The following SHROOM2 variants were observed in gnomAD, a reference collection of about 807,000 sequenced individuals.
SHROOM2 encodes shroom family member 2, also known as protein Shroom2.
Under a neutral mutation model 75.9 loss-of-function variants are expected in SHROOM2, and 33 were observed. The observed-to-expected ratio is 0.43, with a 90% CI of 0.33 to 0.58. The LOEUF (loss-of-function observed/expected upper bound fraction) is 0.58. Among genes scored for constraint, SHROOM2 ranks in the 20% least tolerant of loss-of-function variants. The pLI is 0.04. For synonymous variants in SHROOM2, 655 were observed against 663.6 expected, an observed-to-expected ratio of 0.99 and a Z score of 0.20; for missense variants, 1,434 against 1,461.2, an observed-to-expected ratio of 0.98 and a Z score of 0.30.
intron 6 of SHROOM2, among the ~76,000 whole-genome samples, chrX:9,934,636 A>C (rs2147056657): frequency 9.0e-6 from 1 of 111,341 alleles, no homozygotes; most frequent in Admixed American, 9.6e-5. Context: ...CCTTATTTTG[A>C]AGTCAAGGCT....
chrX:9,848,601 G>C (rs1433086698), intron 1 of SHROOM2, among the ~76,000 whole-genome samples: 3 of 109,241 alleles, frequency 2.7e-5, no homozygotes, highest in African/African-American at 6.6e-5. Flanking sequence ...CTTTATACGG[G>C]GATGTGAGGA....
intron 5 of SHROOM2, among the ~76,000 whole-genome samples, chrX:9,898,993 C>T (rs1242390427): frequency 9.0e-6 from 1 of 110,514 alleles, no homozygotes; most frequent in Non-Finnish European, 1.9e-5. Flanking sequence ...CCTGTATTCC[C>T]AGCACTTTGG....
intron 6 of SHROOM2, 55 bp from the exon 7 acceptor site, chrX:9,937,079 C>T (rs2084716577): frequency 9.1e-7 from 1 of 1,102,907 alleles, no homozygotes; most frequent in South Asian, 2.1e-5. Context: ...ACACGTCAAT[C>T]AGGGTCTGTG....
At chrX:9,937,028 T>C in intron 6 of SHROOM2, 106 bp from the exon 7 acceptor site, 4 of 833,278 alleles carry the variant, frequency 4.8e-6, no homozygotes, top group Non-Finnish European at 6.7e-6. Context: ...GGCTGGCTAG[T>C]GCCTTTGAGT....
chrX:9,834,695 A>G (rs1258268138), intron 1 of SHROOM2, among the ~76,000 whole-genome samples: 1 of 111,159 alleles, frequency 9.0e-6, no homozygotes, highest in Non-Finnish European at 1.9e-5. Context: ...AAAAAAGAAA[A>G]GAAATAAAAA....
chrX:9,914,501 T>C (rs1181763732), intron 5 of SHROOM2, among the ~76,000 whole-genome samples: 1 of 111,085 alleles, frequency 9.0e-6, no homozygotes, highest in Non-Finnish European at 1.9e-5. Flanking sequence ...TATCCACCCA[T>C]CTTTCCCCTG....
chrX:9,842,016 G>A (rs925673957), intron 1 of SHROOM2, among the ~76,000 whole-genome samples: 5 of 111,878 alleles, frequency 4.5e-5, no homozygotes, highest in Non-Finnish European at 7.5e-5. Flanking sequence ...CTATGATGGC[G>A]CCACCACACT....
intron 1 of SHROOM2, among the ~76,000 whole-genome samples, chrX:9,839,358 C>T (rs2083967568): frequency 9.0e-6 from 1 of 111,504 alleles, no homozygotes; most frequent in African/African-American, 3.3e-5. Context: ...TCACCCACAT[C>T]TCCCTGGGTC....
rs1171313582 is a variant in SHROOM2, at chrX:9,906,920, G to A, written c.2891+8630G>A. Among the ~76,000 whole-genome samples the A allele has an allele frequency of 5.3e-5, 6 of 112,460 alleles. No homozygotes were observed. In the Admixed American group the frequency reaches 5.6e-4, roughly 11 times the overall value. On this transcript the variant is annotated intron_variant, in intron 5 of 9. Transcript: ENST00000380913. ...CAGAGGAACATAGTGTCCCTGCTGCGACCACTCAGCTCTGCCGTGATAGCG... is the reference window on the plus strand; with the variant it reads ...CAGAGGAACATAGTGTCCCTGCTGCAACCACTCAGCTCTGCCGTGATAGCG...
At chrX:9,931,883 A>G (rs893145765) in intron 5 of SHROOM2, among the ~76,000 whole-genome samples, 1 of 110,325 alleles carries the variant, frequency 9.1e-6, no homozygotes, top group Non-Finnish European at 1.9e-5. Context: ...TTCCTGCAAA[A>G]ACAAATGCAA....
Position 9,944,604 on chromosome X carries a change from G to A in SHROOM2, c.4312-37G>A, listed in dbSNP as rs1262386998. 8 of 1,177,325 alleles carry A rather than the reference G, an allele frequency of 6.8e-6. No homozygotes were observed. The East Asian group carries it at 9.2e-5, about 13-fold the overall frequency. On this transcript the variant is annotated intron_variant, in intron 8 of 9. Coordinates refer to ENST00000380913, the MANE Select transcript of SHROOM2 (RefSeq NM_001649.4). ...GCCGGGGTGGGGGCCGGCCTAACCA[G>A]TGTCTCCGTGTTCCCTTGCCATCCC...
In SHROOM2 at chrX:9,894,761, A is replaced by C. The variant is rs2084314843; in HGVS notation, c.853A>C (p.Asn285His). The C allele has an allele frequency of 1.7e-6, 2 of 1,211,217 alleles. No individual in the cohort carries two copies. Among genetic ancestry groups the C allele is most frequent in the Non-Finnish European group, 2.2e-6 (2 of 895,274 alleles). Residue 285 changes from asparagine (N) to histidine (H), a missense_variant, in exon 4 of 10, where the codon AAT becomes CAT. This residue lies in a region of SHROOM2 where 1,340 missense variants were observed against 1,338.3 expected (regional missense o/e 1.00). Coordinates refer to ENST00000380913, the MANE Select transcript of SHROOM2 (RefSeq NM_001649.4). ...CGGCAAAGGCCCCAGGCCAGAGTAC[A>C]ATGCCGAGCCCAAGCTGGCTGCCCC... ...DSGKGPRPEY[N>H]AEPKLAAPGR...
At chrX:9,892,273 AAAG>A (rs1371327612) in intron 3 of SHROOM2, among the ~76,000 whole-genome samples, 3 of 108,610 alleles carry the variant, frequency 2.8e-5, no homozygotes, top group Non-Finnish European at 1.9e-5. Context: ...AAAAAAAAGA[AAAG>A]AAAAAAAAAT....
At chrX:9,862,660 AATG>A (rs2084111042) in intron 1 of SHROOM2, among the ~76,000 whole-genome samples, 1 of 111,963 alleles carries the variant, frequency 8.9e-6, no homozygotes, top group Non-Finnish European at 1.9e-5. Context: ...AGCACGCTGG[AATG>A]ATGAAGGCAA....
chrX:9,860,706 G>C lies in SHROOM2; in HGVS notation c.166-12946G>C, dbSNP rs549111584. On this transcript the variant is annotated intron_variant, in intron 1 of 9. Coordinates refer to ENST00000380913, the MANE Select transcript of SHROOM2 (RefSeq NM_001649.4). ...CCCAAAGTGCTGGGATTACAGACAT[G>C]AGCCACCGTGTCTGGCCACTCATAT... 1.1e-4 allele frequency among the ~76,000 whole-genome samples: 12 copies of C among 112,122 alleles called. No individual in the cohort carries two copies. The East Asian group carries it at 3.1e-3, about 29-fold the overall frequency.
chrX:9,920,913 C>T (rs2084538871), intron 5 of SHROOM2, among the ~76,000 whole-genome samples: 1 of 112,402 alleles, frequency 8.9e-6, no homozygotes, highest in African/African-American at 3.2e-5. Context: ...AAATCGTCCA[C>T]CAATTTGGTG....
At chrX:9,922,259 A>G (rs1182638671) in intron 5 of SHROOM2, among the ~76,000 whole-genome samples, 1 of 110,546 alleles carries the variant, frequency 9.0e-6, no homozygotes, top group Non-Finnish European at 1.9e-5. Flanking sequence ...AGATCTTGCT[A>G]TGTTGCCCAG....
chrX:9,915,839 T>C (rs757477717), intron 5 of SHROOM2, among the ~76,000 whole-genome samples: 15 of 112,283 alleles, frequency 1.3e-4, no homozygotes, highest in Non-Finnish European at 2.6e-4. Context: ...AGGCAGGCAA[T>C]GATCTGAGAT....
chrX:9,923,333 T>A (rs2084565196), intron 5 of SHROOM2, among the ~76,000 whole-genome samples: 1 of 109,751 alleles, frequency 9.1e-6, no homozygotes, highest in Non-Finnish European at 1.9e-5. Flanking sequence ...GGGCGGGGGG[T>A]GCACTCAATC....
Sources: allele counts gnomAD v4.1 joint callset (sites outside exome capture counted in the v4.1 genomes callset), GRCh38; gene constraint gnomAD v4.1.1; regional missense constraint gnomAD v4.1.1; transcripts MANE v1.5; gene names NCBI Gene and HGNC (gene_info 2026-07-23, HGNC 2026-07-21).